AMOTL2: variants seen among roughly 807,000 people sequenced by gnomAD.
AMOTL2 encodes the protein angiomotin like 2, also known as angiomotin-like protein 2.
In AMOTL2, 33 loss-of-function variants were observed where a neutral mutation model predicts 78.4. The ratio of observed to expected loss-of-function variants is 0.42; its 90% confidence interval spans 0.32 to 0.56. The LOEUF (loss-of-function observed/expected upper bound fraction) is 0.56. AMOTL2 is among the 20% of genes least tolerant of loss of function. The pLI, the probability that AMOTL2 is intolerant of heterozygous loss-of-function variation, is 0.12. For synonymous variants in AMOTL2, 422 were observed against 428.8 expected (o/e 0.98, Z 0.20); for missense variants, 983 against 1,030.1 (o/e 0.95, Z 0.63).
At chr3:134,371,925 A>C (rs1029330762) in intron 1 of AMOTL2, 6 of 186,956 alleles carry the variant, frequency 3.2e-5, no homozygotes, top group African/African-American at 1.4e-4. Context: ...AAACAGCCTG[A>C]TGGGCAATTC....
rs770282072 is a variant in AMOTL2, at chr3:134,366,398, C to T, written c.1071G>A (p.Glu357=). ...KLESEIQRLS[E]AHESLTRASS... ...AGGCTCTGGTCAGGCTCTCATGGGC[C>T]TCAGAGAGCCGCTGGATTTCGCTTT... Residue 357 remains glutamate (E), a synonymous_variant, in exon 4 of 10, where the codon GAG becomes GAA. Transcript: ENST00000249883. The T allele has an allele frequency of 2.1e-5, 34 of 1,613,230 alleles. No individual in the cohort carries two copies. The highest frequency in any genetic ancestry group is 7.7e-5 in the South Asian group (7 of 90,906).
At chr3:134,368,675 C>T (rs1031705953) in intron 2 of AMOTL2, among the ~76,000 whole-genome samples, 12 of 152,168 alleles carry the variant, frequency 7.9e-5, no homozygotes, top group Non-Finnish European at 2.9e-5. Flanking sequence ...GTGGCCCATC[C>T]TCCATCTCTT....
chr3:134,361,335 G>A (rs543594519), intron 6 of AMOTL2, among the ~76,000 whole-genome samples, 177 bp downstream of exon 6: 6 of 152,350 alleles, frequency 3.9e-5, no homozygotes, highest in South Asian at 4.1e-4. Flanking sequence ...AAGGGAGCAC[G>A]CAGCAAAGGT....
chr3:134,373,085 A>G (rs890657281), intron 1 of AMOTL2, among the ~76,000 whole-genome samples: 4 of 152,060 alleles, frequency 2.6e-5, no homozygotes, highest in Non-Finnish European at 4.4e-5. Context: ...AGCTGCCCAG[A>G]GCTGGGGAGT....
At position 134,366,328 on chromosome 3, in the gene AMOTL2, C is replaced by A. The variant is rs768921322; in HGVS notation, c.1141G>T (p.Asp381Tyr). 2 of 1,614,096 alleles carry A rather than the reference C, an allele frequency of 1.2e-6. No homozygotes were observed. Among genetic ancestry groups the A allele is most frequent in the Non-Finnish European group, 1.7e-6 (2 of 1,180,036 alleles). The change falls in exon 4 of 10, where the codon GAC (aspartate) becomes TAC (tyrosine). Residue 381 changes from aspartate (D) to tyrosine (Y), a missense_variant. Coordinates refer to ENST00000249883, the MANE Select transcript of AMOTL2 (RefSeq NM_016201.4). ...ALEKTMRNKM[D>Y]SEMRRLQDFN... is the part of the protein sequence containing the mutation. The stretch of plus-strand genomic sequence containing the variant: ...TCTTGCAGCCTCCTCATTTCACTGT[C>A]CATCTTGTTCCGCATGGTCTTCTCC...
Position 134,361,759 on chromosome 3 carries a change from AG to A in AMOTL2, c.1327del (p.Leu443CysfsTer124). Reference protein sequence around the residue: ...EQEKLEREMALLRGAIEDQRR... With the variant: ...EQEKLEREMAXLRGAIEDQRR... ...CTGGTCCTCGATGGCGCCGCGCAGCAGTGCCATCTCTCGCTCCAGCTTCTCT... is the reference window on the plus strand; with the variant it reads ...CTGGTCCTCGATGGCGCCGCGCAGCATGCCATCTCTCGCTCCAGCTTCTCT... On this transcript the variant is annotated frameshift_variant, in exon 6 of 10. Transcript: ENST00000249883. LOFTEE classifies it high-confidence loss of function. The A allele has an allele frequency of 6.3e-7, 1 of 1,585,296 alleles. No individual in the cohort carries two copies. The highest frequency in any genetic ancestry group is 8.6e-7 in the Non-Finnish European group (1 of 1,163,640).
intron 5 of AMOTL2, among the ~76,000 whole-genome samples, chr3:134,363,121 G>C (rs1438560641): frequency 6.6e-6 from 1 of 152,186 alleles, no homozygotes; most frequent in Non-Finnish European, 1.5e-5. Flanking sequence ...ATATAGGACA[G>C]TGCAAGTTCT....
At chr3:134,358,005 A>G (rs2017147794) in intron 9 of AMOTL2, among the ~76,000 whole-genome samples, 1 of 152,220 alleles carries the variant, frequency 6.6e-6, no homozygotes. Flanking sequence ...TGGAGGGCTT[A>G]GAGAGAGCAA....
intron 1 of AMOTL2, chr3:134,373,372 G>C (rs899411525): frequency 1.3e-6 from 1 of 743,556 alleles, no homozygotes; most frequent in South Asian, 6.0e-5. Flanking sequence ...GCGCTCCATA[G>C]TGTGCCCGGA....
intron 1 of AMOTL2, chr3:134,373,872 T>C: frequency 1.0e-6 from 1 of 972,338 alleles, no homozygotes; most frequent in South Asian, 4.8e-5. Flanking sequence ...GAGGGCCAAT[T>C]CGTGGCTCCA....
At chr3:134,359,109 G>A (rs1206887804) in intron 8 of AMOTL2, among the ~76,000 whole-genome samples, 174 bp downstream of exon 8, 1 of 152,212 alleles carries the variant, frequency 6.6e-6, no homozygotes, top group East Asian at 1.9e-4. Context: ...ACACTGGCAG[G>A]AGAGCCTTGC....
chr3:134,366,030 C>T, intron 4 of AMOTL2, 121 bp from the exon 5 acceptor site: 3 of 1,172,658 alleles, frequency 2.6e-6, no homozygotes, highest in South Asian at 1.4e-5. Context: ...CATAAGGAAA[C>T]CCCAGCTCAG....
rs1488799039 is a variant in AMOTL2, at chr3:134,356,905, C to T, written c.*800G>A. On this transcript the variant is annotated 3_prime_UTR_variant, in exon 10 of 10. Transcript: ENST00000249883. ...AGCCGAGATCCTGGGAATCGAGCAG[C>T]TTTAACATCCACGGGCCAGGAACTT... The T allele has an allele frequency of 2.6e-5, 4 of 152,610 alleles. No homozygotes were observed. The highest frequency in any genetic ancestry group is 5.9e-5 in the Non-Finnish European group (4 of 68,078). 9.5% of individuals were successfully genotyped at this position (152,610 alleles called of 1,614,324 possible). A position where few individuals can be genotyped will look rare whatever the true frequency, so the allele number is the denominator to read the frequency against.
upstream of AMOTL2, chr3:134,375,210 G>T: frequency 6.5e-7 from 1 of 1,535,690 alleles, no homozygotes; most frequent in Non-Finnish European, 8.7e-7. Context: ...CCCGCCGCCA[G>T]GCGCTCTGTC....
chr3:134,365,756 G>T, intron 5 of AMOTL2, 61 bp downstream of exon 5: 1 of 1,453,020 alleles, frequency 6.9e-7, no homozygotes, highest in Admixed American at 1.8e-5. Context: ...TAGTCCAGAG[G>T]GTGTGCAGCA....
At chr3:134,363,170 A>T (rs965397040) in intron 5 of AMOTL2, among the ~76,000 whole-genome samples, 3 of 152,148 alleles carry the variant, frequency 2.0e-5, no homozygotes, top group Non-Finnish European at 2.9e-5. Flanking sequence ...TGGCATGTGG[A>T]AGGGAGGATT....
Position 134,358,710 on chromosome 3 carries a change from GCT to G in AMOTL2, c.2112_2113del (p.Arg704SerfsTer28), listed in dbSNP as rs2017199117. 2.5e-6 allele frequency: 4 copies of G among 1,614,070 alleles called. No individual in the cohort carries two copies. The highest frequency in any genetic ancestry group is 3.4e-6 in the Non-Finnish European group (4 of 1,180,024). On this transcript the variant is annotated frameshift_variant, in exon 9 of 10. Transcript: ENST00000249883. LOFTEE classifies it high-confidence loss of function. ...TGTGACCACTGGCTCCTCTGTGGGT[GCT>G]CTGTCTGCTGGAAAGGTAGGTGGAT...
intron 5 of AMOTL2, 49 bp from the exon 6 acceptor site, chr3:134,361,856 C>G (rs1345749601): frequency 1.4e-6 from 2 of 1,466,460 alleles, no homozygotes; most frequent in Admixed American, 4.5e-5. Flanking sequence ...CGTTGGCTGG[C>G]CCCATTGCCT....
chr3:134,362,359 A>G (rs2017410311), intron 5 of AMOTL2, among the ~76,000 whole-genome samples: 1 of 152,120 alleles, frequency 6.6e-6, no homozygotes. Flanking sequence ...GGGATCCCCA[A>G]CTTATAGGGG....
Sources: gnomAD v4.1 joint callset for allele counts (sites outside exome capture counted in the v4.1 genomes callset) on GRCh38, gnomAD v4.1.1 for gene constraint, MANE v1.5 for transcripts, NCBI Gene and HGNC (gene_info 2026-07-23, HGNC 2026-07-21) for gene names.